THSD7B: variants seen among roughly 807,000 people sequenced by gnomAD.
THSD7B encodes the protein thrombospondin type-1 domain-containing protein 7B.
THSD7B carries 138 observed loss-of-function variants against 213.6 expected under a neutral mutation model. The ratio of observed to expected loss-of-function variants is 0.65; its 90% CI spans 0.56 to 0.74. The LOEUF (loss-of-function observed/expected upper bound fraction) is 0.74. Among genes scored for constraint, THSD7B ranks in the 30% least tolerant of loss-of-function variants. The probability of loss-of-function intolerance (pLI) is 0.00; values close to 1 mark genes in which losing one functional copy is unlikely to be tolerated. For missense variants in THSD7B, 1,931 were observed against 1,991.5 expected (o/e 0.97, Z 0.58); for synonymous variants, 742 against 687.0 (o/e 1.08, Z -1.25).
At chr2:137,211,787 T>C (rs1184745668) in intron 7 of THSD7B, among the ~76,000 whole-genome samples, 4 of 152,110 alleles carry the variant, frequency 2.6e-5, no homozygotes, top group Admixed American at 2.6e-4. Flanking sequence ...TGATTGTTAT[T>C]TCAAAGTGTC....
chr2:137,415,664 GTTTTTTT>G lies in THSD7B; in HGVS notation c.2959+3811_2959+3817del, dbSNP rs10563702. ...TTCCAACCATGTTTCTTATATCAGT[GTTTTTTT>G]TTTTTTTTTTTTTTTTTTCAAAGAA... On this transcript the variant is annotated intron_variant, in intron 14 of 27. Coordinates refer to ENST00000409968, the MANE Select transcript of THSD7B (RefSeq NM_001316349.2). Among the ~76,000 whole-genome samples, 195 of 80,118 alleles carry G rather than the reference GTTTTTTT, an allele frequency of 2.4e-3. 1 individual carries two copies. The highest frequency in any genetic ancestry group is 8.3e-3 in the African/African-American group (191 of 23,032). 52.6% of individuals were successfully genotyped at this position (80,118 alleles called of 152,430 possible).
chr2:137,068,486 C>T (rs1687420615), intron 3 of THSD7B, among the ~76,000 whole-genome samples: 1 of 152,048 alleles, frequency 6.6e-6, no homozygotes, highest in Non-Finnish European at 1.5e-5. Flanking sequence ...TACGTGATCC[C>T]ATAGTTGACA....
chr2:137,515,921 G>T (rs891255421), intron 15 of THSD7B, among the ~76,000 whole-genome samples: 1 of 152,292 alleles, frequency 6.6e-6, no homozygotes, highest in East Asian at 1.9e-4. Context: ...CAATACTTAT[G>T]AAATAGATTT....
chr2:137,465,862 C>T (rs1000665943), intron 15 of THSD7B, among the ~76,000 whole-genome samples: 1 of 152,090 alleles, frequency 6.6e-6, no homozygotes, highest in Non-Finnish European at 1.5e-5. Flanking sequence ...TTTAACTGAA[C>T]CTGAAGCTTC....
intron 1 of THSD7B, among the ~76,000 whole-genome samples, chr2:136,822,466 C>T (rs2104939016): frequency 6.6e-6 from 1 of 152,274 alleles, no homozygotes; most frequent in Admixed American, 6.5e-5. Context: ...GCACCTTAAA[C>T]ACTTAGAGCT....
chr2:137,357,415 TTTTG>T (rs145915285), intron 12 of THSD7B, among the ~76,000 whole-genome samples: 3,396 of 152,206 alleles, frequency 0.022, 130 homozygotes, highest in African/African-American at 0.077. Context: ...TTTAGAGTTT[TTTTG>T]TTTGTTTGTT....
At chr2:137,383,707 C>T (rs995317158) in intron 12 of THSD7B, among the ~76,000 whole-genome samples, 2 of 152,100 alleles carry the variant, frequency 1.3e-5, no homozygotes, top group African/African-American at 2.4e-5. Flanking sequence ...ATATGGCTTG[C>T]GTCCATGGGT....
intron 20 of THSD7B, among the ~76,000 whole-genome samples, chr2:137,640,103 C>A (rs1682911310): frequency 6.6e-6 from 1 of 152,154 alleles, no homozygotes; most frequent in Non-Finnish European, 1.5e-5. Context: ...CCACCCAAAT[C>A]TCAACTTGAA....
chr2:136,805,740 A>G lies in THSD7B; in HGVS notation c.-36+40053A>G, dbSNP rs148403198. Among the ~76,000 whole-genome samples, 1,439 of 152,222 alleles carry G rather than the reference A, an allele frequency of 9.5e-3. 13 individuals are homozygous for G. The highest frequency in any genetic ancestry group is 0.031 in the Middle Eastern group (9 of 294). ...GAGAAAAGTAAAAGTTGGAGCCTTTAATTCCCATGGTTTTGTCCTTGCAGA... is the reference window on the plus strand; with the variant it reads ...GAGAAAAGTAAAAGTTGGAGCCTTTGATTCCCATGGTTTTGTCCTTGCAGA... On this transcript the variant is annotated intron_variant, in intron 1 of 27. Coordinates refer to ENST00000409968, the MANE Select transcript of THSD7B (RefSeq NM_001316349.2).
intron 20 of THSD7B, among the ~76,000 whole-genome samples, chr2:137,624,219 A>G (rs180699696): frequency 6.6e-6 from 1 of 152,168 alleles, no homozygotes; most frequent in Admixed American, 6.5e-5. Flanking sequence ...CAAAAACAAG[A>G]AATGGGAAAA....
intron 2 of THSD7B, among the ~76,000 whole-genome samples, chr2:136,935,735 A>G (rs1684714166): frequency 6.6e-6 from 1 of 152,004 alleles, no homozygotes. Context: ...AGTCTGTCAT[A>G]CTCTGGGGAT....
At chr2:137,346,935 A>G (rs1347958574) in intron 12 of THSD7B, among the ~76,000 whole-genome samples, 1 of 151,674 alleles carries the variant, frequency 6.6e-6, no homozygotes, top group East Asian at 1.9e-4. Flanking sequence ...ATTATTTCAA[A>G]TAAATACATA....
At chr2:137,386,755 A>G (rs10181814) in intron 12 of THSD7B, among the ~76,000 whole-genome samples, 4,937 of 152,208 alleles carry the variant, frequency 0.032, 265 homozygotes, top group African/African-American at 0.11. Flanking sequence ...TGCATGTCTG[A>G]CTATCCAAGT....
chr2:137,055,116 CT>C (rs1687138586), intron 2 of THSD7B, among the ~76,000 whole-genome samples: 1 of 152,120 alleles, frequency 6.6e-6, no homozygotes, highest in Non-Finnish European at 1.5e-5. Flanking sequence ...TGAACTCATT[CT>C]TTTTTATGGC....
intron 2 of THSD7B, among the ~76,000 whole-genome samples, chr2:136,973,830 A>T (rs929713322): frequency 6.6e-6 from 1 of 152,146 alleles, no homozygotes; most frequent in Non-Finnish European, 1.5e-5. Flanking sequence ...CAGTATGTGG[A>T]GTTTTGATGA....
intron 20 of THSD7B, among the ~76,000 whole-genome samples, chr2:137,621,507 C>A (rs1682519716): frequency 6.6e-6 from 1 of 152,112 alleles, no homozygotes; most frequent in African/African-American, 2.4e-5. Context: ...ATGCAGAAGG[C>A]AATTGATACT....
rs778515476 is a variant in THSD7B, at chr2:137,657,135, G to C, written c.4350G>C (p.Gln1450His). 6.2e-6 allele frequency: 10 copies of C among 1,614,024 alleles called. No homozygotes were observed. Among genetic ancestry groups the C allele is most frequent in the Non-Finnish European group, 8.5e-6 (10 of 1,179,888 alleles). The change falls in exon 24 of 28, where the codon CAG (glutamine) becomes CAC (histidine). Residue 1450 changes from glutamine to histidine, a missense_variant. Transcript: ENST00000409968. ...ATAACGAACGAACTGTATGGTGCCA[G>C]CGTTCAGATGGCGTTAATGTCACAG... ...WNNNERTVWCQRSDGVNVTGG... is the reference protein window; with the variant it reads ...WNNNERTVWCHRSDGVNVTGG...
At chr2:137,170,657 CT>C in intron 6 of THSD7B, 83 bp from the exon 7 acceptor site, 1 of 1,388,134 alleles carries the variant, frequency 7.2e-7, no homozygotes, top group Non-Finnish European at 9.8e-7. Context: ...TTGAATAAAA[CT>C]TTTCATCTCT....
At chr2:137,109,471 T>G (rs1174763333) in intron 4 of THSD7B, among the ~76,000 whole-genome samples, 2 of 152,172 alleles carry the variant, frequency 1.3e-5, no homozygotes, top group African/African-American at 2.4e-5. Context: ...CACATTATAA[T>G]GAAATAATTA....
Sources: allele counts gnomAD v4.1 joint callset (sites outside exome capture counted in the v4.1 genomes callset), GRCh38; gene constraint gnomAD v4.1.1; transcripts MANE v1.5; gene names NCBI Gene and HGNC (gene_info 2026-07-23, HGNC 2026-07-21).